NFX1: variants seen among roughly 807,000 people sequenced by gnomAD.
NFX1 encodes the protein nuclear transcription factor, X-box binding 1.
In NFX1, 69 loss-of-function variants were observed where a neutral mutation model predicts 137.2. The observed-to-expected ratio is 0.50, with a 90% CI of 0.41 to 0.61. The LOEUF (loss-of-function observed/expected upper bound fraction) is 0.61. NFX1 is among the 20% of genes least tolerant of loss of function. The pLI, the probability that NFX1 is intolerant of heterozygous loss-of-function variation, is 0.00. For synonymous variants in NFX1, 495 were observed against 474.1 expected (o/e 1.04, Z -0.57); for missense variants, 1,167 against 1,391.0 (o/e 0.84, Z 2.56).
intron 12 of NFX1, 39 bp from the exon 13 acceptor site, chr9:33,342,706 GA>G: frequency 7.3e-7 from 1 of 1,361,394 alleles, no homozygotes; most frequent in Non-Finnish European, 1.0e-6. Context: ...AATATAAAAT[GA>G]AGACCATTTT....
chr9:33,299,719 T>C (rs1564101738), intron 2 of NFX1, among the ~76,000 whole-genome samples: 1 of 152,124 alleles, frequency 6.6e-6, no homozygotes, highest in Non-Finnish European at 1.5e-5. Context: ...AGACTAAATA[T>C]CACTCATTTA....
In NFX1 at chr9:33,354,941, G is replaced by A. The variant is rs781104327; in HGVS notation, c.2873+49G>A. 19 of 1,581,366 alleles carry A rather than the reference G, an allele frequency of 1.2e-5. No individual in the cohort carries two copies. In the African/African-American group the frequency reaches 2.6e-4, roughly 21 times the overall value. On this transcript the variant is annotated intron_variant, in intron 19 of 23. Coordinates refer to ENST00000379540, the MANE Select transcript of NFX1 (RefSeq NM_002504.6). ...TAATCTCCTTGCCCTTGAGCTCTGT[G>A]AAATTAATGGGAGGGAGCAACCCTT...
intron 21 of NFX1, chr9:33,365,565 G>A (rs10046852): frequency 0.051 from 7,753 of 152,308 alleles, 597 homozygotes; most frequent in African/African-American, 0.17. Context: ...CTGAGGTTGA[G>A]TCACTGTACT....
chr9:33,337,995 GC>G (rs1302185560), intron 11 of NFX1, among the ~76,000 whole-genome samples: 6 of 151,532 alleles, frequency 4.0e-5, no homozygotes, highest in Admixed American at 1.3e-4. Flanking sequence ...GTTGCAGTGA[GC>G]CAAGATTGCG....
At chr9:33,363,906 A>G in intron 19 of NFX1, 104 bp from the exon 20 acceptor site, 1 of 625,846 alleles carries the variant, frequency 1.6e-6, no homozygotes. Flanking sequence ...CAAAATAGAG[A>G]TAAATAATGT....
intron 15 of NFX1, chr9:33,347,801 G>A (rs1823483885): frequency 3.7e-6 from 1 of 269,080 alleles, no homozygotes; most frequent in Non-Finnish European, 7.7e-6. Flanking sequence ...GTCAACAAGT[G>A]GATAAAGAAA....
chr9:33,364,533 T>C (rs980085216), intron 20 of NFX1, among the ~76,000 whole-genome samples, 175 bp from the exon 21 acceptor site: 11 of 152,234 alleles, frequency 7.2e-5, no homozygotes, highest in Admixed American at 6.5e-4. Context: ...TCATTTCTTA[T>C]ATTTTTCTCT....
Position 33,313,841 on chromosome 9 carries a change from A to G in NFX1, c.1588+48A>G, listed in dbSNP as rs1212579320. 12 of 1,580,222 alleles carry G rather than the reference A, an allele frequency of 7.6e-6. No homozygotes were observed. In the South Asian group the frequency reaches 1.1e-4, roughly 15 times the overall value. On this transcript the variant is annotated intron_variant, in intron 7 of 23. Coordinates refer to ENST00000379540, the MANE Select transcript of NFX1 (RefSeq NM_002504.6). The stretch of plus-strand genomic sequence containing the variant: ...AGCAATGCTTGTGTTCTTTTCTGGA[A>G]CCTTATTAATGATTGTCTTGATAAA...
chr9:33,315,716 G>A (rs1822136149), intron 7 of NFX1, among the ~76,000 whole-genome samples: 2 of 140,238 alleles, frequency 1.4e-5, no homozygotes, highest in South Asian at 4.8e-4. Flanking sequence ...GCGAAAACCA[G>A]TCTCTAACAA....
chr9:33,293,009 G>T (rs1053378404), intron 1 of NFX1, among the ~76,000 whole-genome samples: 3 of 152,172 alleles, frequency 2.0e-5, no homozygotes, highest in Non-Finnish European at 4.4e-5. Flanking sequence ...TTCTGCCTAT[G>T]TGAAAGCTTT....
chr9:33,300,801 A>G (rs1378987442), intron 2 of NFX1, among the ~76,000 whole-genome samples: 1 of 152,260 alleles, frequency 6.6e-6, no homozygotes, highest in Non-Finnish European at 1.5e-5. Context: ...GGCTAGAGCC[A>G]TCTCACCACT....
chr9:33,327,616 C>T (rs1176646413), intron 9 of NFX1, among the ~76,000 whole-genome samples: 6 of 151,054 alleles, frequency 4.0e-5, no homozygotes, highest in Admixed American at 6.6e-5. Flanking sequence ...CTGCCCACCT[C>T]GGTCTCCCAA....
At chr9:33,348,405 G>C (rs1191899472) in intron 15 of NFX1, 2 of 151,832 alleles carry the variant, frequency 1.3e-5, no homozygotes, top group Admixed American at 1.3e-4. Context: ...TACACTCCTC[G>C]GGTGATGGGT....
chr9:33,317,149 T>A (rs750886482), intron 7 of NFX1, among the ~76,000 whole-genome samples: 51 of 152,134 alleles, frequency 3.4e-4, no homozygotes, highest in Non-Finnish European at 7.1e-4. Context: ...CCGGGTGTAG[T>A]GGCTCACACC....
chr9:33,366,217 CTG>C lies in NFX1; in HGVS notation c.3040-410_3040-409del, dbSNP rs370566457. ...CAGATGTGTTTCTCTGCTTGTGTGT[CTG>C]TATCTGAATACTCACGATTTTTAAA... On this transcript the variant is annotated intron_variant, in intron 21 of 23. Coordinates refer to ENST00000379540, the MANE Select transcript of NFX1 (RefSeq NM_002504.6). 3.1e-3 allele frequency among the ~76,000 whole-genome samples: 467 copies of C among 152,272 alleles called. 1 individual carries two copies. The highest frequency in any genetic ancestry group is 0.01 in the Middle Eastern group (3 of 294).
intron 5 of NFX1, among the ~76,000 whole-genome samples, chr9:33,308,356 C>G (rs1337859828): frequency 1.3e-5 from 2 of 152,132 alleles, no homozygotes; most frequent in Non-Finnish European, 2.9e-5. Flanking sequence ...CAAGGAGGAT[C>G]ATTTGAGTCC....
intron 19 of NFX1, among the ~76,000 whole-genome samples, chr9:33,358,347 A>G (rs1031742907): frequency 6.6e-6 from 1 of 151,992 alleles, no homozygotes; most frequent in African/African-American, 2.4e-5. Context: ...GACAGTCTCA[A>G]TCTCCTGACC....
At chr9:33,290,737 G>A in intron 1 of NFX1, 140 bp downstream of exon 1, 2 of 770,526 alleles carry the variant, frequency 2.6e-6, no homozygotes, top group Admixed American at 3.1e-5. Flanking sequence ...GAAGGGCCAA[G>A]CCCCGCGCAT....
chr9:33,357,803 A>G (rs1032796613), intron 19 of NFX1, among the ~76,000 whole-genome samples: 1 of 150,516 alleles, frequency 6.6e-6, no homozygotes, highest in African/African-American at 2.4e-5. Flanking sequence ...CCTTGGCCCC[A>G]CAAAGTGCTG....
Sources: allele counts gnomAD v4.1 joint callset (sites outside exome capture counted in the v4.1 genomes callset), GRCh38; gene constraint gnomAD v4.1.1; transcripts MANE v1.5; gene names NCBI Gene and HGNC (gene_info 2026-07-23, HGNC 2026-07-21).